Variants in HIVEP3 observed in about 807,000 individuals in gnomAD.
HIVEP3 encodes HIVEP zinc finger 3.
A neutral mutation model predicts 152.8 loss-of-function variants in HIVEP3; 49 were observed. That is an observed-to-expected ratio of 0.32 (90% confidence interval 0.26 to 0.41). The LOEUF is 0.41. Ranked by LOEUF, HIVEP3 falls within the 10% of genes least tolerant of loss-of-function variation. The probability of loss-of-function intolerance (pLI) is 1.00; values close to 1 mark genes in which losing one functional copy is unlikely to be tolerated. For synonymous variants in HIVEP3, 1,269 were observed against 1,289.0 expected, an observed-to-expected ratio of 0.98 and a Z score of 0.33; for missense variants, 2,790 against 3,103.3, an observed-to-expected ratio of 0.90 and a Z score of 2.40.
intron 2 of HIVEP3, among the ~76,000 whole-genome samples, chr1:41,638,010 A>C (rs1328841386): frequency 6.6e-6 from 1 of 152,194 alleles, no homozygotes; most frequent in African/African-American, 2.4e-5. Flanking sequence ...TAATGTGTAC[A>C]CATGGACACG....
At position 41,720,072 on chromosome 1, in the gene HIVEP3, T is replaced by C. The variant is rs1646653067; in HGVS notation, c.-800-19077A>G. ...ACACTGAGCTCCAGAGGCCCAGTTC[T>C]GGTTTCAGCTGAGTGGCCCTACCAA... On this transcript the variant is annotated intron_variant, in intron 1 of 8. Coordinates refer to ENST00000372583, the MANE Select transcript of HIVEP3 (RefSeq NM_024503.5). Among the ~76,000 whole-genome samples the C allele has an allele frequency of 2.0e-5, 3 of 152,224 alleles. No individual in the cohort carries two copies. In the South Asian group the frequency reaches 6.2e-4, roughly 31 times the overall value.
intron 1 of HIVEP3, among the ~76,000 whole-genome samples, chr1:41,840,275 T>C (rs1308319233): frequency 1.3e-5 from 2 of 152,212 alleles, no homozygotes; most frequent in African/African-American, 4.8e-5. Flanking sequence ...TGAAGTCATA[T>C]TGGAATAGAG....
rs1262828440 is a variant in HIVEP3 at position 41,508,719 on chromosome 1, C to T, written c.*1732G>A. 1.3e-5 allele frequency: 2 copies of T among 152,296 alleles called. No individual in the cohort carries two copies. The highest frequency in any genetic ancestry group is 2.4e-5 in the African/African-American group (1 of 41,442). 9.4% of individuals were successfully genotyped at this position (152,296 alleles called of 1,614,324 possible). A position where few individuals can be genotyped will look rare whatever the true frequency, so the allele number is the denominator to read the frequency against. ...CAGGGAACTCACAGAAGGGTCTTAA[C>T]CCTCCCCACCTACTGTGTCCTGTAC... is the stretch of plus-strand genomic sequence containing the variant. On this transcript the variant is annotated 3_prime_UTR_variant, in exon 9 of 9. Coordinates refer to ENST00000372583, the MANE Select transcript of HIVEP3 (RefSeq NM_024503.5).
intron 3 of HIVEP3, among the ~76,000 whole-genome samples, chr1:41,596,839 T>A (rs190034393): frequency 6.6e-6 from 1 of 152,184 alleles, no homozygotes; most frequent in Admixed American, 6.5e-5. Flanking sequence ...CTACCTTCCT[T>A]CCCTGTATCT....
chr1:41,563,757 A>G (rs1224173172), intron 5 of HIVEP3, among the ~76,000 whole-genome samples: 1 of 152,166 alleles, frequency 6.6e-6, no homozygotes, highest in African/African-American at 2.4e-5. Flanking sequence ...ACCACGCAGG[A>G]AAAAAACCTA....
intron 1 of HIVEP3, among the ~76,000 whole-genome samples, chr1:41,836,921 T>C (rs1171299841): frequency 2.0e-5 from 3 of 152,222 alleles, no homozygotes; most frequent in Non-Finnish European, 4.4e-5. Context: ...TGGTCTTTTT[T>C]CCACTGTTGC....
chr1:41,681,134 T>C (rs1646032303), intron 2 of HIVEP3, among the ~76,000 whole-genome samples: 1 of 148,750 alleles, frequency 6.7e-6, no homozygotes, highest in Admixed American at 6.6e-5. Flanking sequence ...AGACAGAGAC[T>C]GTCTGCTGGA....
At chr1:42,020,946 G>A (rs1373550039) in intron 1 of HIVEP3, among the ~76,000 whole-genome samples, 1 of 152,180 alleles carries the variant, frequency 6.6e-6, no homozygotes, top group Non-Finnish European at 1.5e-5. Flanking sequence ...TAGGAAGAAT[G>A]AAGAAGCCAG....
rs551732692 is a variant in HIVEP3, at chr1:41,941,212, A to G, written n.120-22688T>C. Among the ~76,000 whole-genome samples the G allele has an allele frequency of 9.8e-5, 15 of 152,314 alleles. No individual in the cohort carries two copies. The East Asian group carries it at 2.9e-3, about 29-fold the overall frequency. On this transcript the variant is annotated intron_variant and non_coding_transcript_variant, in intron 1 of 3. Transcript: ENST00000489103. Reference sequence around the variant, plus strand: ...GTGAAGGGAAGCAAAGGAATGGGGCAGTGGGTAGAGTAGGGCAAGCAGTCA... The same window carrying G: ...GTGAAGGGAAGCAAAGGAATGGGGCGGTGGGTAGAGTAGGGCAAGCAGTCA...
At chr1:41,512,218 G>C (rs1424489250) in intron 8 of HIVEP3, among the ~76,000 whole-genome samples, 1 of 152,014 alleles carries the variant, frequency 6.6e-6, no homozygotes, top group African/African-American at 2.4e-5. Context: ...GTTAGAGGTG[G>C]GCCTGGTGGG....
intron 1 of HIVEP3, among the ~76,000 whole-genome samples, chr1:41,701,458 C>G (rs1646361077): frequency 6.6e-6 from 1 of 152,206 alleles, no homozygotes; most frequent in African/African-American, 2.4e-5. Flanking sequence ...CTGAGTGTGA[C>G]AGCCTAGATC....
intron 5 of HIVEP3, among the ~76,000 whole-genome samples, chr1:41,562,084 G>A (rs1169679729): frequency 6.6e-6 from 1 of 152,176 alleles, no homozygotes; most frequent in Admixed American, 6.5e-5. Context: ...TCTGTATGCT[G>A]GACCTGGGAT....
intron 2 of HIVEP3, among the ~76,000 whole-genome samples, chr1:41,677,377 G>T (rs1219205170): frequency 1.3e-5 from 2 of 152,218 alleles, no homozygotes; most frequent in Admixed American, 6.5e-5. Flanking sequence ...CTAGAAAAGG[G>T]TGTTAAAGAC....
intron 1 of HIVEP3, among the ~76,000 whole-genome samples, chr1:41,813,619 C>G (rs589010): frequency 0.37 from 56,749 of 152,122 alleles, 11,817 homozygotes; most frequent in East Asian, 0.8. Flanking sequence ...AGATCTTCTA[C>G]GCCAAAGGGA....
upstream of HIVEP3, among the ~76,000 whole-genome samples, chr1:41,921,298 A>T (rs575995644): frequency 6.6e-6 from 1 of 152,338 alleles, no homozygotes; most frequent in East Asian, 1.9e-4. Flanking sequence ...CCCAAATCTC[A>T]TCTTGAATTG....
In HIVEP3 at chr1:41,779,136, G is replaced by A. The variant is rs376767221; in HGVS notation, c.-800-78141C>T. On this transcript the variant is annotated intron_variant, in intron 1 of 8. Coordinates refer to ENST00000372583, the MANE Select transcript of HIVEP3 (RefSeq NM_024503.5). ...AACCCAAGATGGTGCCCACCTGCCTGGATCACTTGCCTTCCTCCCACCCCC... is the reference window on the plus strand; with the variant it reads ...AACCCAAGATGGTGCCCACCTGCCTAGATCACTTGCCTTCCTCCCACCCCC... Among the ~76,000 whole-genome samples, 21 of 152,298 alleles carry A rather than the reference G, an allele frequency of 1.4e-4. 1 individual carries two copies. In the East Asian group the frequency reaches 3.9e-3, roughly 28 times the overall value.
rs557057161 is a variant in HIVEP3 at position 41,552,047 on chromosome 1, C to A, written c.5207+23497G>T. Among the ~76,000 whole-genome samples the A allele has an allele frequency of 2.3e-4, 35 of 152,298 alleles. No individual in the cohort carries two copies. In the East Asian group the frequency reaches 6.7e-3, roughly 29 times the overall value. On this transcript the variant is annotated intron_variant, in intron 5 of 8. Transcript: ENST00000372583. ...GCTATAAATTTCCCTCTACACACTG[C>A]TTTAAATGTGTCCCAGAGGTCCTGG... is the stretch of plus-strand genomic sequence containing the variant.
chr1:41,729,644 G>A (rs1646809791), intron 1 of HIVEP3, among the ~76,000 whole-genome samples: 1 of 152,308 alleles, frequency 6.6e-6, no homozygotes, highest in South Asian at 2.1e-4. Flanking sequence ...GAGAAGAGAG[G>A]GAGAAGGGCC....
At chr1:41,666,141 GTA>G (rs1645793429) in intron 2 of HIVEP3, among the ~76,000 whole-genome samples, 1 of 147,688 alleles carries the variant, frequency 6.8e-6, no homozygotes, top group Non-Finnish European at 1.5e-5. Context: ...GTGTGTGTGT[GTA>G]TGTGTGTGTG....
Sources: allele counts gnomAD v4.1 joint callset (sites outside exome capture counted in the v4.1 genomes callset), GRCh38; gene constraint gnomAD v4.1.1; transcripts MANE v1.5; gene names NCBI Gene and HGNC (gene_info 2026-07-23, HGNC 2026-07-21).